ANK3: variants seen among roughly 807,000 people sequenced by gnomAD.
ANK3 encodes ankyrin 3.
Under a neutral mutation model 370.9 loss-of-function variants are expected in ANK3, and 57 were observed. The ratio of observed to expected loss-of-function variants is 0.15; its 90% CI spans 0.12 to 0.19. The LOEUF is 0.19. ANK3 is among the 10% of genes least tolerant of loss of function. The pLI is 1.00. For missense variants in ANK3, 4,439 were observed against 5,302.1 expected (o/e 0.84, Z 5.06); for synonymous variants, 1,929 against 1,946.3 (o/e 0.99, Z 0.23).
intron 2 of ANK3, among the ~76,000 whole-genome samples, chr10:60,550,468 G>T (rs1386633555): frequency 1.3e-5 from 2 of 151,822 alleles, no homozygotes; most frequent in Admixed American, 1.3e-4. Context: ...GTATAGAAAA[G>T]ATGTAAATTT....
chr10:60,456,889 A>G (rs1029681258), intron 2 of ANK3, among the ~76,000 whole-genome samples: 12 of 152,112 alleles, frequency 7.9e-5, no homozygotes, highest in Admixed American at 7.2e-4. Context: ...ACTGCTCTCT[A>G]ACACTGAATA....
chr10:60,325,784 T>C (rs549562651), intron 1 of ANK3, among the ~76,000 whole-genome samples: 5 of 152,332 alleles, frequency 3.3e-5, no homozygotes, highest in South Asian at 2.1e-4. Flanking sequence ...ACTGGGTATA[T>C]ACCCAAAGGA....
At chr10:60,136,213 A>G (rs1291455070) in intron 24 of ANK3, among the ~76,000 whole-genome samples, 4 of 152,064 alleles carry the variant, frequency 2.6e-5, no homozygotes, top group Non-Finnish European at 4.4e-5. Context: ...ACACTGTCCA[A>G]CAGAACTTTA....
At chr10:60,055,456 C>T (rs915959569) in intron 42 of ANK3, among the ~76,000 whole-genome samples, 2 of 151,916 alleles carry the variant, frequency 1.3e-5, no homozygotes, top group African/African-American at 2.4e-5. Flanking sequence ...AAATGGCATA[C>T]ATTTTACTTG....
At chr10:60,543,279 A>G (rs2076890783) in intron 2 of ANK3, among the ~76,000 whole-genome samples, 1 of 152,012 alleles carries the variant, frequency 6.6e-6, no homozygotes, top group South Asian at 2.1e-4. Flanking sequence ...TAGAGTATAC[A>G]TCTTTTGCCC....
chr10:60,186,044 C>G (rs1006986804), intron 17 of ANK3, among the ~76,000 whole-genome samples: 2 of 152,146 alleles, frequency 1.3e-5, no homozygotes, highest in African/African-American at 2.4e-5. Context: ...AATGAACTCA[C>G]GAAGGCAGCA....
chr10:60,363,866 G>A (rs1325425689), intron 1 of ANK3, among the ~76,000 whole-genome samples: 1 of 150,844 alleles, frequency 6.6e-6, no homozygotes, highest in Non-Finnish European at 1.5e-5. Flanking sequence ...TTTTCTTATA[G>A]AAAAACATCG....
chr10:60,245,209 G>C (rs1244807308), intron 7 of ANK3, among the ~76,000 whole-genome samples: 1 of 151,988 alleles, frequency 6.6e-6, no homozygotes, highest in East Asian at 1.9e-4. Flanking sequence ...TATAGGTTTT[G>C]ATACAATGTA....
At chr10:60,421,363 G>T (rs1347651260) in intron 2 of ANK3, among the ~76,000 whole-genome samples, 3 of 151,778 alleles carry the variant, frequency 2.0e-5, no homozygotes, top group African/African-American at 7.3e-5. Context: ...AAAAAGTGGA[G>T]AAAAAAGGGA....
At chr10:60,394,094 G>A (rs938494090), upstream of ANK3, among the ~76,000 whole-genome samples, 14 of 150,238 alleles carry the variant, frequency 9.3e-5, no homozygotes, top group Admixed American at 8.0e-4. Flanking sequence ...CTCGCCATAA[G>A]AGATAGTCAA....
intron 28 of ANK3, among the ~76,000 whole-genome samples, chr10:60,099,257 G>A (rs1039481318): frequency 6.6e-6 from 1 of 152,116 alleles, no homozygotes; most frequent in Non-Finnish European, 1.5e-5. Context: ...CAGCAGGGGG[G>A]GCATATGCCT....
At chr10:60,129,119 A>G (rs2093930906) in intron 25 of ANK3, among the ~76,000 whole-genome samples, 1 of 152,234 alleles carries the variant, frequency 6.6e-6, no homozygotes, top group Non-Finnish European at 1.5e-5. Context: ...GACACATACA[A>G]ATCTGAGCTT....
intron 7 of ANK3, among the ~76,000 whole-genome samples, chr10:60,235,810 A>G (rs1365630373): frequency 6.6e-6 from 1 of 152,142 alleles, no homozygotes; most frequent in African/African-American, 2.4e-5. Context: ...TAATTCGATA[A>G]CAGAAACAAT....
At chr10:60,418,856 G>T (rs141374165) in intron 2 of ANK3, among the ~76,000 whole-genome samples, 2 of 152,008 alleles carry the variant, frequency 1.3e-5, no homozygotes, top group East Asian at 3.9e-4. Context: ...CTTTTCAAAC[G>T]TATAAAACAC....
intron 7 of ANK3, among the ~76,000 whole-genome samples, chr10:60,260,421 A>G (rs748372643): frequency 1.3e-5 from 2 of 152,210 alleles, no homozygotes; most frequent in Non-Finnish European, 2.9e-5. Flanking sequence ...CTAGCATTAT[A>G]CACTATCTCC....
chr10:60,146,087 C>A, intron 23 of ANK3: 1 of 1,522,494 alleles, frequency 6.6e-7, no homozygotes, highest in South Asian at 1.2e-5. Flanking sequence ...ACAGATCAGT[C>A]ATATAAGCTC....
chr10:60,565,993 C>T (rs568777639), intron 2 of ANK3, among the ~76,000 whole-genome samples: 7 of 152,296 alleles, frequency 4.6e-5, no homozygotes, highest in African/African-American at 1.7e-4. Context: ...TCTATCAGTG[C>T]CATTTTTCCA....
At position 60,173,114 on chromosome 10, in the gene ANK3, A is replaced by G; in HGVS notation, c.2257T>C (p.Ser753Pro). Residue 753 changes from serine (S) to proline (P), a missense_variant, in exon 19 of 44, where the codon TCT becomes CCT. Coordinates refer to ENST00000280772, the MANE Select transcript of ANK3 (RefSeq NM_020987.5). ...IKIVNFLLQH[S>P]AKVNAKTKNG... ...TTTGTTTTGGCATTAACTTTTGCAG[A>G]ATGCTGGAGCAGGAAATTAACAATC... The G allele has an allele frequency of 6.2e-7, 1 of 1,614,158 alleles. No individual in the cohort carries two copies. The highest frequency in any genetic ancestry group is 1.1e-5 in the South Asian group (1 of 91,064).
At chr10:60,595,373 T>C (rs1417213077) in intron 2 of ANK3, among the ~76,000 whole-genome samples, 1 of 152,128 alleles carries the variant, frequency 6.6e-6, no homozygotes, top group Non-Finnish European at 1.5e-5. Context: ...TGGGGAATGC[T>C]GATTGGTTAT....
Sources: allele counts gnomAD v4.1 joint callset (sites outside exome capture counted in the v4.1 genomes callset), GRCh38; gene constraint gnomAD v4.1.1; transcripts MANE v1.5; gene names NCBI Gene and HGNC (gene_info 2026-07-23, HGNC 2026-07-21).